Variants in OCA2 observed in about 807,000 individuals in gnomAD.
OCA2 encodes the protein P protein.
OCA2 carries 77 observed loss-of-function variants against 100.2 expected under a neutral mutation model. The ratio of observed to expected loss-of-function variants is 0.77; its 90% CI spans 0.64 to 0.93. The LOEUF (loss-of-function observed/expected upper bound fraction) is 0.93. Ranked by LOEUF, OCA2 falls within the 40% of genes least tolerant of loss-of-function variation. The pLI is 0.00. For missense variants in OCA2, 1,062 were observed against 1,089.1 expected (o/e 0.98, Z 0.35); for synonymous variants, 432 against 439.2 (o/e 0.98, Z 0.21).
At chr15:28,087,844 C>T (rs1201719416) in intron 1 of OCA2, among the ~76,000 whole-genome samples, 3 of 152,198 alleles carry the variant, frequency 2.0e-5, no homozygotes, top group Non-Finnish European at 2.9e-5. Flanking sequence ...GGTGGATCAC[C>T]TGAGGTCAGG....
chr15:27,725,583 AAAAC>A, the OCA2 span, among the ~76,000 whole-genome samples: 2 of 152,278 alleles, frequency 1.3e-5, no homozygotes, highest in East Asian at 1.9e-4. Flanking sequence ...AAAAACAAAC[AAAAC>A]AAACAAAAAA....
chr15:28,092,284 T>G (rs1393897725), intron 1 of OCA2, among the ~76,000 whole-genome samples: 1 of 152,080 alleles, frequency 6.6e-6, no homozygotes, highest in Non-Finnish European at 1.5e-5. Context: ...TTCACTTGGG[T>G]TAATAAAAAT....
At chr15:27,940,570 A>C (rs1157699359) in intron 18 of OCA2, among the ~76,000 whole-genome samples, 2 of 150,826 alleles carry the variant, frequency 1.3e-5, no homozygotes, top group African/African-American at 4.8e-5. Flanking sequence ...CACCAAGAAA[A>C]AGTGTGGTTG....
intron 23 of OCA2, among the ~76,000 whole-genome samples, chr15:27,817,021 T>A (rs1214252754): frequency 6.6e-6 from 1 of 152,154 alleles, no homozygotes; most frequent in African/African-American, 2.4e-5. Context: ...TTCTCACCAC[T>A]TACTTGACCT....
chr15:28,022,223 G>A (rs535998656), intron 6 of OCA2, among the ~76,000 whole-genome samples: 12 of 152,318 alleles, frequency 7.9e-5, no homozygotes, highest in East Asian at 1.9e-4. Context: ...AAGGAGTATC[G>A]GGGAGCTAGG....
At chr15:28,036,619 C>T (rs4778232) in intron 2 of OCA2, among the ~76,000 whole-genome samples, 63,825 of 152,008 alleles carry the variant, frequency 0.42, 18,223 homozygotes, top group East Asian at 0.9. Context: ...TCTTCAACAG[C>T]TTCCTCATCC....
At chr15:27,882,229 T>A (rs1419371236) in intron 19 of OCA2, among the ~76,000 whole-genome samples, 1 of 152,210 alleles carries the variant, frequency 6.6e-6, no homozygotes, top group African/African-American at 2.4e-5. Context: ...CACAGCTGCA[T>A]GAGCTCTGGC....
chr15:28,026,919 C>T (rs3794604), intron 4 of OCA2, among the ~76,000 whole-genome samples: 16,143 of 152,212 alleles, frequency 0.11, 1,197 homozygotes, highest in Middle Eastern at 0.24. Flanking sequence ...AGTGTAGGCC[C>T]GTGAGAGGCC....
intron 23 of OCA2, among the ~76,000 whole-genome samples, chr15:27,757,897 T>G (rs2030514872): frequency 6.6e-6 from 1 of 151,904 alleles, no homozygotes; most frequent in Non-Finnish European, 1.5e-5. Flanking sequence ...GGTGCATGAG[T>G]TGTGTTTGGT....
chr15:27,787,705 A>AT (rs1449194786), intron 23 of OCA2, among the ~76,000 whole-genome samples: 1 of 151,344 alleles, frequency 6.6e-6, no homozygotes, highest in Non-Finnish European at 1.5e-5. Context: ...GGTTTCATTG[A>AT]TTTTCTCTAT....
intron 21 of OCA2, among the ~76,000 whole-genome samples, chr15:27,867,083 A>C (rs1236578102): frequency 2.0e-5 from 3 of 152,222 alleles, no homozygotes; most frequent in Admixed American, 1.3e-4. Context: ...AATTCTCAGA[A>C]ATTCCAAGAA....
At chr15:27,744,250 G>T in the OCA2 span, among the ~76,000 whole-genome samples, 7 of 152,162 alleles carry the variant, frequency 4.6e-5, no homozygotes, top group African/African-American at 1.7e-4. Context: ...GGGGATGGTG[G>T]TCTTTCAAAA....
At chr15:27,821,310 G>A (rs146784300) in intron 23 of OCA2, among the ~76,000 whole-genome samples, 3 of 152,076 alleles carry the variant, frequency 2.0e-5, no homozygotes, top group Non-Finnish European at 2.9e-5. Context: ...ATTCAGGCAA[G>A]TACTTGTATA....
intron 23 of OCA2, among the ~76,000 whole-genome samples, chr15:27,830,655 C>T (rs1240912050): frequency 1.3e-5 from 2 of 151,990 alleles, no homozygotes; most frequent in Admixed American, 6.6e-5. Flanking sequence ...TATGTGTGTG[C>T]GACTGTGTGT....
At chr15:27,755,541 G>T in intron 23 of OCA2, 69 bp from the exon 24 acceptor site, 1 of 1,207,994 alleles carries the variant, frequency 8.3e-7, no homozygotes, top group Non-Finnish European at 1.2e-6. Flanking sequence ...CGGACTCATA[G>T]CTCATGAGAA....
intron 14 of OCA2, among the ~76,000 whole-genome samples, chr15:27,972,052 A>G (rs753085007): frequency 6.6e-6 from 1 of 152,178 alleles, no homozygotes; most frequent in South Asian, 2.1e-4. Flanking sequence ...GCTCCCACTT[A>G]TATGTGAGAA....
At chr15:28,088,078 A>AT (rs1566884983) in intron 1 of OCA2, among the ~76,000 whole-genome samples, 2 of 152,082 alleles carry the variant, frequency 1.3e-5, no homozygotes, top group East Asian at 3.8e-4. Flanking sequence ...AAAAAAAAAA[A>AT]GGTAAGTCCA....
In OCA2 at chr15:28,014,880, C is replaced by G. The variant is rs767921992; in HGVS notation, c.940G>C (p.Val314Leu). Residue 314 changes from valine to leucine, a missense_variant, in exon 9 of 24, where the codon GTC becomes CTC. Physicochemically the swap from Val to Leu is conservative, Grantham distance 32 (BLOSUM62 1). Coordinates refer to ENST00000354638, the MANE Select transcript of OCA2 (RefSeq NM_000275.3). ...IRASLQQTQA[V>L]PLLMAHQYLR... ...TACTGATGAGCCATCAAAAGAGGGA[C>G]AGCCTGGGTCTGCTGCAGGGAGGCC... 2 of 1,614,070 alleles carry G rather than the reference C, an allele frequency of 1.2e-6. No individual in the cohort carries two copies. Among genetic ancestry groups the G allele is most frequent in the Admixed American group, 1.7e-5 (1 of 60,004 alleles).
intron 18 of OCA2, among the ~76,000 whole-genome samples, chr15:27,929,529 A>G (rs2039166315): frequency 6.6e-6 from 1 of 152,230 alleles, no homozygotes; most frequent in South Asian, 2.1e-4. Context: ...ACACAACTAT[A>G]AAACTTCTGG....
Sources: gnomAD v4.1 joint callset for allele counts (sites outside exome capture counted in the v4.1 genomes callset) on GRCh38, gnomAD v4.1.1 for gene constraint, MANE v1.5 for transcripts, NCBI Gene and HGNC (gene_info 2026-07-23, HGNC 2026-07-21) for gene names.